Variants in CERKL observed in about 807,000 individuals in gnomAD.
CERKL encodes ceramide kinase-like protein.
In CERKL, 61 loss-of-function variants were observed where a neutral mutation model predicts 63.4. That is an observed-to-expected ratio of 0.96 (90% CI 0.78 to 1.19). CERKL has a LOEUF of 1.19. Ranked by LOEUF, CERKL falls within the 50% of genes most tolerant of loss-of-function variation. The probability of loss-of-function intolerance (pLI) is 0.00; values close to 1 mark genes in which losing one functional copy is unlikely to be tolerated. For missense variants in CERKL, 675 were observed against 655.5 expected, an observed-to-expected ratio of 1.03 and a Z score of -0.33; for synonymous variants, 250 against 230.5, an observed-to-expected ratio of 1.08 and a Z score of -0.77.
Position 181,548,856 on chromosome 2 carries a change from C to T in CERKL, c.897G>A (p.Gly299=), listed in dbSNP as rs2105804170. 1 of 1,613,276 alleles carries T rather than the reference C, an allele frequency of 6.2e-7. No individual in the cohort carries two copies. Among genetic ancestry groups the T allele is most frequent in the Non-Finnish European group, 8.5e-7 (1 of 1,179,430 alleles). Residue 299 remains glycine, a splice_region_variant and synonymous_variant, in exon 7 of 13, where the codon GGG becomes GGA. Transcript: ENST00000410087. ...TGCAGACGTCGACCAGCTGTACATG[C>T]CCTTGAATATTACATTAAATATTAA... is the stretch of plus-strand genomic sequence containing the variant. ...VITATLHIIM[G]HVQLVDVCTF... is the part of the protein sequence containing the mutation.
intron 1 of CERKL, among the ~76,000 whole-genome samples, chr2:181,606,893 G>A (rs974976564): frequency 6.6e-6 from 1 of 152,006 alleles, no homozygotes; most frequent in Non-Finnish European, 1.5e-5. Context: ...GTCCTGTCCC[G>A]GTCAGTAAAT....
chr2:181,568,504 C>A (rs1688757350), intron 3 of CERKL, among the ~76,000 whole-genome samples: 1 of 152,118 alleles, frequency 6.6e-6, no homozygotes, highest in Admixed American at 6.6e-5. Context: ...CCATTTCTCC[C>A]AGCTAATTCC....
At chr2:181,624,124 T>C (rs181198513) in intron 1 of CERKL, among the ~76,000 whole-genome samples, 22 of 151,684 alleles carry the variant, frequency 1.5e-4, no homozygotes, top group African/African-American at 5.1e-4. Context: ...GACATAAGAG[T>C]AGAGGGATCA....
intron 1 of CERKL, among the ~76,000 whole-genome samples, chr2:181,613,189 G>T (rs1173979818): frequency 6.6e-6 from 1 of 151,912 alleles, no homozygotes; most frequent in South Asian, 2.1e-4. Context: ...CTTGACAACC[G>T]CAATTGTACT....
At position 181,537,667 on chromosome 2, in the gene CERKL, GAATTATCTAGGTTA is replaced by G. The variant is rs755951937; in HGVS notation, c.*503_*516del. 1.0e-3 allele frequency: 451 copies of G among 434,724 alleles called. 3 individuals are homozygous for G. The highest frequency in any genetic ancestry group is 5.4e-4 in the Non-Finnish European group (118 of 220,116). 26.9% of individuals were successfully genotyped at this position (434,724 alleles called of 1,614,324 possible). ...AAATGAAAGAATCCAAATTATTTCA[GAATTATCTAGGTTA>G]AATATTGATGTATTATGATGGTTGC... On this transcript the variant is annotated 3_prime_UTR_variant, in exon 13 of 13. Transcript: ENST00000410087.
rs540565441 is a variant in CERKL at position 181,641,486 on chromosome 2, G to A, written c.238+15283C>T. The stretch of plus-strand genomic sequence containing the variant: ...TTACAGGTATGAGCTACCGTGGCCA[G>A]CCCACGAAATATGTTAAAGGACTCT... On this transcript the variant is annotated intron_variant, in intron 1 of 12. Coordinates refer to ENST00000410087, the MANE Select transcript of CERKL (RefSeq NM_201548.5). Among the ~76,000 whole-genome samples, 452 of 151,928 alleles carry A rather than the reference G, an allele frequency of 3.0e-3. 1 individual carries two copies. The highest frequency in any genetic ancestry group is 0.017 in the Middle Eastern group (5 of 292).
intron 1 of CERKL, among the ~76,000 whole-genome samples, chr2:181,604,974 G>T (rs751640153): frequency 1.3e-5 from 2 of 152,074 alleles, no homozygotes; most frequent in Non-Finnish European, 2.9e-5. Context: ...AAGTGTTTTA[G>T]ACCTTAAAAA....
chr2:181,614,165 C>T (rs147637368), intron 1 of CERKL, among the ~76,000 whole-genome samples: 42 of 152,270 alleles, frequency 2.8e-4, no homozygotes, highest in Non-Finnish European at 3.5e-4. Context: ...AGAGCTAAAG[C>T]AGAAGGCTTC....
intron 8 of CERKL, 149 bp from the exon 9 acceptor site, chr2:181,547,996 C>CGT (rs34890422): frequency 0.71 from 524,314 of 734,304 alleles, 192,291 homozygotes; most frequent in South Asian, 0.89. Context: ...TAAGTAAAAA[C>CGT]GTACAATTTT....
chr2:181,621,701 T>C (rs1165643637), intron 1 of CERKL, among the ~76,000 whole-genome samples: 1 of 152,204 alleles, frequency 6.6e-6, no homozygotes, highest in Non-Finnish European at 1.5e-5. Flanking sequence ...GAGAAAATTT[T>C]GGAGAAAACA....
At chr2:181,594,758 G>C (rs1574481424) in intron 2 of CERKL, among the ~76,000 whole-genome samples, 1 of 151,926 alleles carries the variant, frequency 6.6e-6, no homozygotes, top group East Asian at 1.9e-4. Context: ...TCGACAAGGA[G>C]AAAAAAATGG....
intron 1 of CERKL, among the ~76,000 whole-genome samples, chr2:181,627,816 C>A (rs188289763): frequency 6.6e-6 from 1 of 152,240 alleles, no homozygotes; most frequent in African/African-American, 2.4e-5. Context: ...CTAGATGTTG[C>A]GATAGCACAC....
intron 10 of CERKL, 47 bp downstream of exon 10, chr2:181,547,571 T>C (rs1178666229): frequency 6.7e-7 from 1 of 1,490,476 alleles, no homozygotes; most frequent in East Asian, 2.3e-5. Flanking sequence ...GGAAAAAAAA[T>C]GGTCTATAAG....
intron 2 of CERKL, among the ~76,000 whole-genome samples, chr2:181,602,520 T>C (rs1162070883): frequency 2.6e-5 from 4 of 152,238 alleles, no homozygotes; most frequent in African/African-American, 9.6e-5. Context: ...CTGTGGGTTC[T>C]TGTCTTCTTG....
At chr2:181,646,808 C>G (rs369746583) in intron 1 of CERKL, among the ~76,000 whole-genome samples, 67 of 152,328 alleles carry the variant, frequency 4.4e-4, no homozygotes, top group African/African-American at 1.5e-3. Context: ...CTGCTAATCT[C>G]TGCCTGAAGA....
chr2:181,625,564 C>T (rs1229073648), intron 1 of CERKL, among the ~76,000 whole-genome samples: 1 of 152,076 alleles, frequency 6.6e-6, no homozygotes, highest in East Asian at 1.9e-4. Context: ...TCTTATAGTA[C>T]CACACAGCTT....
chr2:181,595,200 TTA>T (rs1300127701), intron 2 of CERKL, among the ~76,000 whole-genome samples: 2 of 147,010 alleles, frequency 1.4e-5, no homozygotes, highest in Non-Finnish European at 2.9e-5. Flanking sequence ...ATCAGTGTGT[TTA>T]TATGTGTTTT....
intron 2 of CERKL, among the ~76,000 whole-genome samples, chr2:181,585,786 A>C (rs1408195302): frequency 1.3e-5 from 2 of 152,230 alleles, no homozygotes; most frequent in Admixed American, 6.5e-5. Flanking sequence ...CTCAGAACTT[A>C]AATCAGTTTG....
At position 181,638,848 on chromosome 2, in the gene CERKL, T is replaced by C. The variant is rs987441943; in HGVS notation, c.238+17921A>G. 2.0e-5 allele frequency among the ~76,000 whole-genome samples: 3 copies of C among 152,194 alleles called. 1 individual carries two copies. The highest frequency in any genetic ancestry group is 1.3e-4 in the Admixed American group (2 of 15,278). ...GCAAAAATCTTGTGACATCTGATCA[T>C]GGTCTGAGGCTCTCCCTTCCCCAAC... On this transcript the variant is annotated intron_variant, in intron 1 of 12. Coordinates refer to ENST00000410087, the MANE Select transcript of CERKL (RefSeq NM_201548.5).
Sources: allele counts gnomAD v4.1 joint callset (sites outside exome capture counted in the v4.1 genomes callset), GRCh38; gene constraint gnomAD v4.1.1; transcripts MANE v1.5; gene names NCBI Gene and HGNC (gene_info 2026-07-23, HGNC 2026-07-21).